Variants in PPARG observed in about 807,000 individuals in gnomAD.
The protein encoded by PPARG is peroxisome proliferator-activated receptor gamma.
PPARG carries 17 observed loss-of-function variants against 39.2 expected under a neutral mutation model. The observed-to-expected ratio is 0.43, with a 90% confidence interval of 0.30 to 0.65. The LOEUF (loss-of-function observed/expected upper bound fraction) is 0.65, where lower values mean the gene tolerates loss of function less well. Ranked by LOEUF, PPARG falls within the 30% of genes least tolerant of loss-of-function variation. The pLI is 0.13. For synonymous variants in PPARG, 223 were observed against 215.7 expected, an observed-to-expected ratio of 1.03 and a Z score of -0.30; for missense variants, 406 against 585.9, an observed-to-expected ratio of 0.69 and a Z score of 3.17.
At chr3:12,291,134 A>C (rs1249901530) in intron 1 of PPARG, among the ~76,000 whole-genome samples, 2 of 152,062 alleles carry the variant, frequency 1.3e-5, no homozygotes, top group Non-Finnish European at 2.9e-5. Context: ...ATTTTTAAAA[A>C]CTCACTAATA....
At chr3:12,381,258 C>A in intron 3 of PPARG, 64 bp from the exon 4 acceptor site, 1 of 1,504,508 alleles carries the variant, frequency 6.6e-7, no homozygotes, top group Non-Finnish European at 9.2e-7. Flanking sequence ...TGGTGGCTTG[C>A]CCTGTTGCCT....
intron 2 of PPARG, among the ~76,000 whole-genome samples, chr3:12,332,200 T>A (rs970444501): frequency 1.3e-5 from 2 of 152,220 alleles, no homozygotes; most frequent in Admixed American, 6.5e-5. Flanking sequence ...CAAAAAGCCC[T>A]TTTTATTTCT....
At position 12,360,847 on chromosome 3, in the gene PPARG, G is replaced by GTTTTGC. The variant is rs1416595389; in HGVS notation, c.-8-18857_-8-18856insTTTTGC. ...TTATCCTACTGTTGATGGGCATTCA[G>GTTTTGC]ATGGTTTTCAGTATTGCAAATAGTA... On this transcript the variant is annotated intron_variant, in intron 2 of 7. Transcript: ENST00000651735. 4.6e-5 allele frequency among the ~76,000 whole-genome samples: 7 copies of GTTTTGC among 152,296 alleles called. No individual in the cohort carries two copies. In the East Asian group the frequency reaches 1.2e-3, roughly 25 times the overall value.
intron 2 of PPARG, among the ~76,000 whole-genome samples, chr3:12,359,685 T>TTTTTTTTTTTTTTTG (rs2048776739): frequency 6.7e-6 from 1 of 148,930 alleles, no homozygotes; most frequent in African/African-American, 2.5e-5. Flanking sequence ...TTTTTTTTTT[T>TTTTTTTTTTTTTTTG]TTTTTTTGAG....
chr3:12,299,611 A>G (rs1460524066), intron 1 of PPARG, among the ~76,000 whole-genome samples: 1 of 152,226 alleles, frequency 6.6e-6, no homozygotes, highest in Non-Finnish European at 1.5e-5. Context: ...TCCAAATGAC[A>G]AGAGGATTAT....
At chr3:12,382,549 T>C (rs1575089885) in intron 4 of PPARG, among the ~76,000 whole-genome samples, 1 of 152,202 alleles carries the variant, frequency 6.6e-6, no homozygotes, top group East Asian at 1.9e-4. Context: ...TCTTGGTTCC[T>C]AAATGGATGG....
intron 1 of PPARG, among the ~76,000 whole-genome samples, chr3:12,290,075 T>G (rs192765613): frequency 1.4e-4 from 21 of 152,312 alleles, no homozygotes; most frequent in African/African-American, 4.8e-4. Flanking sequence ...TTATATGATA[T>G]TTGATAGTTA....
intron 2 of PPARG, among the ~76,000 whole-genome samples, chr3:12,342,225 G>C (rs1043347995): frequency 6.6e-6 from 1 of 152,194 alleles, no homozygotes; most frequent in African/African-American, 2.4e-5. Flanking sequence ...GGAGAATCAA[G>C]CTAAATGATA....
intron 2 of PPARG, among the ~76,000 whole-genome samples, chr3:12,349,976 G>A (rs571366077): frequency 2.0e-5 from 3 of 152,266 alleles, no homozygotes; most frequent in Non-Finnish European, 4.4e-5. Context: ...GACCCTTTGA[G>A]GACATGAGGA....
At chr3:12,296,254 C>CAAAAAAAAAAAAAAAAAAAAA (rs545210244) in intron 1 of PPARG, among the ~76,000 whole-genome samples, 1 of 48,628 alleles carries the variant, frequency 2.1e-5, no homozygotes, top group African/African-American at 8.1e-5. Context: ...CACTTTGTCT[C>CAAAAAAAAAAAAAAAAAAAAA]AAAAAAAAAA....
chr3:12,351,197 TA>T (rs1036840619), intron 2 of PPARG, among the ~76,000 whole-genome samples: 4 of 152,174 alleles, frequency 2.6e-5, no homozygotes, highest in African/African-American at 9.7e-5. Context: ...TTTACAACAA[TA>T]AAAAATGCAA....
rs556795860 is a variant in PPARG at position 12,381,691 on chromosome 3, C to G, written c.390+200C>G. Among the ~76,000 whole-genome samples the G allele has an allele frequency of 2.0e-5, 3 of 152,226 alleles. No individual in the cohort carries two copies. In the South Asian group the frequency reaches 6.2e-4, roughly 32 times the overall value. ...CTTCTGGGCTCAAGTGATCCTCCCA[C>G]CTCAGCCTCCCAAAGGATGATATAA... On this transcript the variant is annotated intron_variant, in intron 4 of 7. Transcript: ENST00000651735.
At chr3:12,426,417 C>T (rs1177828375) in intron 7 of PPARG, among the ~76,000 whole-genome samples, 1 of 152,140 alleles carries the variant, frequency 6.6e-6, no homozygotes, top group African/African-American at 2.4e-5. Flanking sequence ...CGACATTGCT[C>T]CTCAAATCAT....
chr3:12,349,067 A>G (rs1475880006), intron 2 of PPARG, among the ~76,000 whole-genome samples: 1 of 152,196 alleles, frequency 6.6e-6, no homozygotes, highest in Non-Finnish European at 1.5e-5. Flanking sequence ...ATATCATTGC[A>G]TGCCAATTGA....
chr3:12,332,731 A>C (rs1375725507), intron 2 of PPARG, among the ~76,000 whole-genome samples: 1 of 152,192 alleles, frequency 6.6e-6, no homozygotes, highest in African/African-American at 2.4e-5. Flanking sequence ...ACATGTATAC[A>C]GTAAAGAACC....
At chr3:12,297,456 C>G (rs1227242446) in intron 1 of PPARG, among the ~76,000 whole-genome samples, 3 of 152,066 alleles carry the variant, frequency 2.0e-5, no homozygotes, top group Non-Finnish European at 2.9e-5. Context: ...CTTCTATAAT[C>G]AAAAGCATAC....
At chr3:12,401,253 T>C (rs1279612556) in intron 5 of PPARG, among the ~76,000 whole-genome samples, 1 of 152,054 alleles carries the variant, frequency 6.6e-6, no homozygotes, top group Non-Finnish European at 1.5e-5. Context: ...ATTACTTAAC[T>C]AAAAAACACC....
chr3:12,353,683 A>G (rs1234893822), intron 2 of PPARG, among the ~76,000 whole-genome samples: 1 of 152,216 alleles, frequency 6.6e-6, no homozygotes, highest in East Asian at 1.9e-4. Context: ...AATCTCGACT[A>G]CACTTAGCCA....
chr3:12,417,876 TCTTTTTTTTTTCTTTTTTTTTTTTC>T (rs1559533679), intron 7 of PPARG, among the ~76,000 whole-genome samples: 8 of 140,738 alleles, frequency 5.7e-5, no homozygotes, highest in South Asian at 2.1e-4. Context: ...GTGACTTTTT[TCTTTTTTTTTTCTTTTTTTTTTTTC>T]CTTTTTTTTT....
Sources: allele counts gnomAD v4.1 joint callset (sites outside exome capture counted in the v4.1 genomes callset), GRCh38; gene constraint gnomAD v4.1.1; transcripts MANE v1.5; gene names NCBI Gene and HGNC (gene_info 2026-07-23, HGNC 2026-07-21).